Variants in GTF2F2 observed in about 807,000 individuals in gnomAD.
The protein encoded by GTF2F2 is general transcription factor IIF subunit 2, also known as ATP-dependent helicase GTF2F2.
In GTF2F2, 23 loss-of-function variants were observed where a neutral mutation model predicts 42.2. That is an observed-to-expected ratio of 0.55 (90% CI 0.39 to 0.77). The LOEUF (loss-of-function observed/expected upper bound fraction) is 0.77. GTF2F2 is among the 30% of genes least tolerant of loss of function. GTF2F2 has a pLI of 0.00. For missense variants in GTF2F2, 261 were observed against 287.2 expected (o/e 0.91, Z 0.66); for synonymous variants, 105 against 100.8 (o/e 1.04, Z -0.25).
At chr13:45,252,477 T>C (rs1272798735) in intron 5 of GTF2F2, among the ~76,000 whole-genome samples, 1 of 152,222 alleles carries the variant, frequency 6.6e-6, no homozygotes, top group African/African-American at 2.4e-5. Context: ...CCTTTATCTT[T>C]TATCAGCTGA....
In GTF2F2 at chr13:45,229,054, G is replaced by A. The variant is rs150046510; in HGVS notation, c.386+21549G>A. Among the ~76,000 whole-genome samples, 231 of 151,792 alleles carry A rather than the reference G, an allele frequency of 1.5e-3. 2 individuals carry two copies. In the East Asian group the frequency reaches 0.02, roughly 13 times the overall value. ...CTGCCACCACATCCGGCTAATTTTT[G>A]TAGTTTTTAGTAGAGACAGGGTTTC... is the stretch of plus-strand genomic sequence containing the variant. On this transcript the variant is annotated intron_variant, in intron 5 of 7. Transcript: ENST00000340473.
intron 4 of GTF2F2, among the ~76,000 whole-genome samples, chr13:45,185,374 A>G (rs922174893): frequency 2.0e-5 from 3 of 151,542 alleles, no homozygotes; most frequent in African/African-American, 7.3e-5. Flanking sequence ...TATGTTCTAA[A>G]TCTCAATGTG....
chr13:45,180,278 C>G (rs1004665902), intron 4 of GTF2F2, among the ~76,000 whole-genome samples: 2 of 152,108 alleles, frequency 1.3e-5, no homozygotes, highest in Non-Finnish European at 2.9e-5. Context: ...GTCTAGATTT[C>G]ACAGTTACAT....
At chr13:45,131,961 G>A (rs536947203) in intron 1 of GTF2F2, among the ~76,000 whole-genome samples, 1 of 151,632 alleles carries the variant, frequency 6.6e-6, no homozygotes, top group South Asian at 2.1e-4. Context: ...ACACTGGGTG[G>A]GAAGGATTAT....
intron 1 of GTF2F2, among the ~76,000 whole-genome samples, chr13:45,125,641 G>T (rs962081525): frequency 6.6e-6 from 1 of 152,064 alleles, no homozygotes; most frequent in African/African-American, 2.4e-5. Flanking sequence ...TCTCTTTAAT[G>T]GGTTATCTCC....
intron 5 of GTF2F2, among the ~76,000 whole-genome samples, chr13:45,230,762 A>G (rs1341848061): frequency 1.3e-5 from 2 of 152,250 alleles, no homozygotes; most frequent in Admixed American, 6.5e-5. Flanking sequence ...GCATTGTAAC[A>G]TCAAAAGGTC....
At position 45,136,842 on chromosome 13, in the gene GTF2F2, C is replaced by T. The variant is rs572029316; in HGVS notation, c.140+36C>T. ...TACATATTCTTGACATTTTAAAAAG[C>T]TATTTTTGAAATTTTTATAAGTGCT... On this transcript the variant is annotated intron_variant, in intron 2 of 7. Coordinates refer to ENST00000340473, the MANE Select transcript of GTF2F2 (RefSeq NM_004128.3). 2.0e-4 allele frequency: 236 copies of T among 1,200,616 alleles called. 3 individuals carry two copies. The South Asian group carries it at 2.8e-3, about 14-fold the overall frequency. 74.4% of individuals were successfully genotyped at this position (1,200,616 alleles called of 1,614,324 possible).
chr13:45,196,487 C>G (rs1872897017), intron 4 of GTF2F2, among the ~76,000 whole-genome samples: 1 of 152,180 alleles, frequency 6.6e-6, no homozygotes, highest in Non-Finnish European at 1.5e-5. Context: ...AGAAGGGATA[C>G]AACTCTGGAA....
chr13:45,223,850 T>A (rs931592469), intron 5 of GTF2F2, among the ~76,000 whole-genome samples: 2 of 152,220 alleles, frequency 1.3e-5, no homozygotes, highest in Non-Finnish European at 2.9e-5. Flanking sequence ...ATTATCTCTG[T>A]TGGTTTGGTA....
At chr13:45,255,951 A>G (rs1375220002) in intron 6 of GTF2F2, among the ~76,000 whole-genome samples, 1 of 152,144 alleles carries the variant, frequency 6.6e-6, no homozygotes, top group East Asian at 1.9e-4. Context: ...TTGACCTAGC[A>G]GTTTTGTGTC....
rs758838760 is a variant in GTF2F2 at position 45,136,792 on chromosome 13, A to G, written c.126A>G (p.Lys42=). 3.2e-6 allele frequency: 5 copies of G among 1,582,718 alleles called. No individual in the cohort carries two copies. The South Asian group carries it at 3.3e-5, about 11-fold the overall frequency. The part of the protein sequence containing the change: ...AKASGRGEVG[K]LRIAKTQGRT... ...CCTCTGGAAGAGGTGAAGTTGGGAA[A>G]CTGCGGATTGCCAAGTAAGTTATTT... The change falls in exon 2 of 8, where the codon AAA becomes AAG. Residue 42 remains lysine (K), a synonymous_variant. Coordinates refer to ENST00000340473, the MANE Select transcript of GTF2F2 (RefSeq NM_004128.3).
chr13:45,222,417 G>A (rs1389513159), intron 5 of GTF2F2, among the ~76,000 whole-genome samples: 1 of 152,016 alleles, frequency 6.6e-6, no homozygotes, highest in Non-Finnish European at 1.5e-5. Context: ...AAATTGAATT[G>A]ACTTTTATTT....
intron 4 of GTF2F2, among the ~76,000 whole-genome samples, chr13:45,160,021 T>C (rs1299308269): frequency 1.3e-5 from 2 of 152,242 alleles, no homozygotes; most frequent in Non-Finnish European, 2.9e-5. Flanking sequence ...CAGTGGGACT[T>C]TCTGAGGCTT....
intron 5 of GTF2F2, among the ~76,000 whole-genome samples, chr13:45,223,824 A>G (rs1034632629): frequency 2.6e-5 from 4 of 152,214 alleles, no homozygotes; most frequent in Admixed American, 1.3e-4. Context: ...ATCTTAAAGG[A>G]TGTCTTGTCT....
chr13:45,249,492 TGAAAG>T (rs2138244155), intron 5 of GTF2F2, among the ~76,000 whole-genome samples: 1 of 152,252 alleles, frequency 6.6e-6, no homozygotes, highest in East Asian at 1.9e-4. Context: ...GAATTAAAAT[TGAAAG>T]GAAAGTATGC....
intron 1 of GTF2F2, among the ~76,000 whole-genome samples, chr13:45,124,997 A>G (rs1190835072): frequency 1.3e-5 from 2 of 152,216 alleles, no homozygotes; most frequent in Non-Finnish European, 2.9e-5. Context: ...ATTTTTTCAC[A>G]GACAGGCAAG....
At chr13:45,193,460 C>T in intron 4 of GTF2F2, 1 of 213,096 alleles carries the variant, frequency 4.7e-6, no homozygotes, top group East Asian at 1.1e-4. Context: ...AATGTACATG[C>T]TTTCTTTTTT....
chr13:45,147,841 C>G (rs2138114947), intron 2 of GTF2F2, among the ~76,000 whole-genome samples: 1 of 152,320 alleles, frequency 6.6e-6, no homozygotes, highest in South Asian at 2.1e-4. Context: ...GCCTGGAAAT[C>G]CCCCATGTTT....
At chr13:45,136,843 T>A (rs1264666258) in intron 2 of GTF2F2, 37 bp downstream of exon 2, 1 of 1,189,638 alleles carries the variant, frequency 8.4e-7, no homozygotes, top group Non-Finnish European at 1.2e-6. Flanking sequence ...TTTAAAAAGC[T>A]ATTTTTGAAA....
Sources: gnomAD v4.1 joint callset for allele counts (sites outside exome capture counted in the v4.1 genomes callset) on GRCh38, gnomAD v4.1.1 for gene constraint, MANE v1.5 for transcripts, NCBI Gene and HGNC (gene_info 2026-07-23, HGNC 2026-07-21) for gene names.